Variants in CNTNAP2 observed in about 807,000 individuals in gnomAD.
The protein encoded by CNTNAP2 is contactin associated protein 2, also known as contactin-associated protein-like 2.
A neutral mutation model predicts 155.2 loss-of-function variants in CNTNAP2; 98 were observed. The ratio of observed to expected loss-of-function variants is 0.63; its 90% CI spans 0.54 to 0.75. The LOEUF is 0.75. Ranked by LOEUF, CNTNAP2 falls within the 30% of genes least tolerant of loss-of-function variation. The pLI is 0.00. For missense variants in CNTNAP2, 1,727 were observed against 1,688.1 expected, an observed-to-expected ratio of 1.02 and a Z score of -0.40; for synonymous variants, 651 against 631.2, an observed-to-expected ratio of 1.03 and a Z score of -0.47.
chr7:146,935,056 T>G (rs934699436), intron 3 of CNTNAP2, among the ~76,000 whole-genome samples: 2 of 152,222 alleles, frequency 1.3e-5, no homozygotes, highest in African/African-American at 4.8e-5. Context: ...GTTCATAATT[T>G]CACAATTGAG....
At chr7:146,933,290 T>G (rs892477118) in intron 3 of CNTNAP2, among the ~76,000 whole-genome samples, 21 of 152,072 alleles carry the variant, frequency 1.4e-4, no homozygotes, top group African/African-American at 5.1e-4. Context: ...GTCGCATATC[T>G]ACAACTATCT....
intron 11 of CNTNAP2, among the ~76,000 whole-genome samples, chr7:147,510,607 C>T (rs2116688098): frequency 6.6e-6 from 1 of 150,926 alleles, no homozygotes; most frequent in African/African-American, 2.4e-5. Context: ...AAAAGTACAA[C>T]CAATGCCATA....
intron 3 of CNTNAP2, among the ~76,000 whole-genome samples, chr7:146,843,790 G>A (rs1211531887): frequency 6.6e-6 from 1 of 151,992 alleles, no homozygotes; most frequent in Non-Finnish European, 1.5e-5. Context: ...AAATACTAGA[G>A]TTTTTTAATC....
chr7:147,768,124 G>T (rs1246054293), intron 13 of CNTNAP2, among the ~76,000 whole-genome samples: 2 of 151,888 alleles, frequency 1.3e-5, no homozygotes, highest in African/African-American at 2.4e-5. Context: ...TCAAAGTTTT[G>T]GTATCAAAAG....
intron 1 of CNTNAP2, among the ~76,000 whole-genome samples, chr7:146,324,776 A>ATT (rs1801068199): frequency 6.9e-6 from 1 of 145,124 alleles, no homozygotes; most frequent in Non-Finnish European, 1.5e-5. Context: ...TGGAAGAGTA[A>ATT]TTATATATAT....
Position 147,036,754 on chromosome 7 carries a change from T to C in CNTNAP2, c.403-7153T>C, listed in dbSNP as rs1584797015. On this transcript the variant is annotated intron_variant, in intron 3 of 23. Coordinates refer to ENST00000361727, the MANE Select transcript of CNTNAP2 (RefSeq NM_014141.6). ...GAAGGTTTGATTATAAAGAGTATTG[T>C]TCTATGCAAGAAAGATTCAACTTTG... 2.0e-5 allele frequency among the ~76,000 whole-genome samples: 3 copies of C among 152,202 alleles called. No individual in the cohort carries two copies. In the East Asian group the frequency reaches 5.8e-4, roughly 29 times the overall value.
intron 4 of CNTNAP2, among the ~76,000 whole-genome samples, chr7:147,091,608 C>T (rs1341728844): frequency 2.2e-5 from 3 of 134,202 alleles, no homozygotes; most frequent in African/African-American, 8.4e-5. Flanking sequence ...CGCACCACCA[C>T]ACCCAGCTAA....
At chr7:147,602,655 A>C in intron 12 of CNTNAP2, among the ~76,000 whole-genome samples, 2 of 150,350 alleles carry the variant, frequency 1.3e-5, no homozygotes, top group East Asian at 2.0e-4. Context: ...CCACCCCACA[A>C]CAGGCCCCAG....
intron 10 of CNTNAP2, among the ~76,000 whole-genome samples, chr7:147,479,582 A>T (rs769002598): frequency 2.6e-5 from 4 of 152,250 alleles, no homozygotes; most frequent in Non-Finnish European, 5.9e-5. Context: ...TATATTGTAA[A>T]AGTATAACTC....
intron 10 of CNTNAP2, among the ~76,000 whole-genome samples, chr7:147,475,073 G>T (rs1798292862): frequency 6.6e-6 from 1 of 152,156 alleles, no homozygotes; most frequent in Non-Finnish European, 1.5e-5. Context: ...GATCTGCGTT[G>T]TCTTTTTAAT....
intron 13 of CNTNAP2, among the ~76,000 whole-genome samples, chr7:147,712,652 C>G (rs909626534): frequency 6.6e-6 from 1 of 152,106 alleles, no homozygotes; most frequent in East Asian, 1.9e-4. Flanking sequence ...GGACAAAAAA[C>G]CAAACACCGC....
chr7:148,302,629 T>C (rs1797414643), intron 21 of CNTNAP2, among the ~76,000 whole-genome samples: 1 of 152,068 alleles, frequency 6.6e-6, no homozygotes, highest in East Asian at 1.9e-4. Context: ...GTTCTCAGGA[T>C]AGTGAGTGAG....
intron 16 of CNTNAP2, among the ~76,000 whole-genome samples, chr7:148,122,855 CAAAAAAAAAA>C (rs769139827): frequency 4.4e-4 from 60 of 137,012 alleles, no homozygotes; most frequent in Admixed American, 9.3e-4. Context: ...GAATACATCT[CAAAAAAAAAA>C]GAAAAAAAAA....
chr7:147,951,284 A>AG (rs1225490507), intron 14 of CNTNAP2, among the ~76,000 whole-genome samples: 1 of 152,246 alleles, frequency 6.6e-6, no homozygotes, highest in Admixed American at 6.5e-5. Flanking sequence ...AACAACAGTA[A>AG]GAAAAAGTAC....
intron 4 of CNTNAP2, among the ~76,000 whole-genome samples, chr7:147,103,861 A>C (rs577003958): frequency 7.6e-4 from 116 of 152,184 alleles, no homozygotes; most frequent in African/African-American, 2.7e-3. Flanking sequence ...ATCCAAACTG[A>C]GAAAGATTCT....
intron 1 of CNTNAP2, among the ~76,000 whole-genome samples, chr7:146,568,960 C>G (rs1798398496): frequency 6.6e-6 from 1 of 151,346 alleles, no homozygotes; most frequent in Non-Finnish European, 1.5e-5. Flanking sequence ...CACAAGTTCC[C>G]ATCTTGTTTT....
At chr7:146,571,084 A>G (rs1359821492) in intron 1 of CNTNAP2, among the ~76,000 whole-genome samples, 1 of 152,158 alleles carries the variant, frequency 6.6e-6, no homozygotes, top group Non-Finnish European at 1.5e-5. Flanking sequence ...ATATTTTCTT[A>G]TAAACCTGAA....
At chr7:147,578,516 AAT>A (rs1346851225) in intron 12 of CNTNAP2, among the ~76,000 whole-genome samples, 1 of 152,132 alleles carries the variant, frequency 6.6e-6, no homozygotes, top group African/African-American at 2.4e-5. Context: ...ACGAAATAAG[AAT>A]ATAGTGTTCA....
At chr7:146,593,678 T>G (rs1798816733) in intron 1 of CNTNAP2, among the ~76,000 whole-genome samples, 1 of 152,146 alleles carries the variant, frequency 6.6e-6, no homozygotes, top group African/African-American at 2.4e-5. Context: ...CCCCCACCTC[T>G]GTATCTCTGC....
Sources: allele counts gnomAD v4.1 joint callset (sites outside exome capture counted in the v4.1 genomes callset), GRCh38; gene constraint gnomAD v4.1.1; transcripts MANE v1.5; gene names NCBI Gene and HGNC (gene_info 2026-07-23, HGNC 2026-07-21).